PTGER4: variants seen among roughly 807,000 people sequenced by gnomAD.
The protein encoded by PTGER4 is prostaglandin E receptor 4.
Under a neutral mutation model 33.2 loss-of-function variants are expected in PTGER4, and 11 were observed. That is an observed-to-expected ratio of 0.33 (90% CI 0.21 to 0.55). The LOEUF (loss-of-function observed/expected upper bound fraction) is 0.55. Ranked by LOEUF, PTGER4 falls within the 20% of genes least tolerant of loss-of-function variation. The pLI is 0.92. For missense variants in PTGER4, 481 were observed against 650.2 expected (o/e 0.74, Z 2.83); for synonymous variants, 275 against 281.5 (o/e 0.98, Z 0.23).
chr5:40,686,982 G>A (rs1004566528), intron 2 of PTGER4, among the ~76,000 whole-genome samples: 4 of 152,176 alleles, frequency 2.6e-5, no homozygotes, highest in Non-Finnish European at 5.9e-5. Context: ...ACTAGAAAAA[G>A]ACTTAAAATT....
the PTGER4 span, among the ~76,000 whole-genome samples, chr5:40,701,994 T>A: frequency 6.6e-6 from 1 of 152,286 alleles, no homozygotes; most frequent in Non-Finnish European, 1.5e-5. Context: ...GGGACTTCAT[T>A]TCCACCAGAT....
At chr5:40,707,227 C>T in the PTGER4 span, among the ~76,000 whole-genome samples, 21 of 151,986 alleles carry the variant, frequency 1.4e-4, no homozygotes, top group South Asian at 2.1e-4. Context: ...TAAAAGACAC[C>T]GGACTGGCAA....
chr5:40,744,419 T>C, the PTGER4 span, among the ~76,000 whole-genome samples: 1 of 151,346 alleles, frequency 6.6e-6, no homozygotes, highest in Admixed American at 6.6e-5. Flanking sequence ...AGCTAATATA[T>C]TGGTTCCTCA....
At chr5:40,732,333 T>C in the PTGER4 span, among the ~76,000 whole-genome samples, 1 of 152,198 alleles carries the variant, frequency 6.6e-6, no homozygotes, top group African/African-American at 2.4e-5. Flanking sequence ...TTGGCATTAC[T>C]TGTTCTCACT....
chr5:40,697,324 G>A (rs1351085403), downstream of PTGER4, among the ~76,000 whole-genome samples: 1 of 151,666 alleles, frequency 6.6e-6, no homozygotes, highest in East Asian at 1.9e-4. Context: ...AGTGGCTCAC[G>A]CCTGTAATCC....
chr5:40,692,195 C>G lies in PTGER4; in HGVS notation c.1284C>G (p.Thr428=), dbSNP rs760432907. The change falls in exon 3 of 3, where the codon ACC becomes ACG. Residue 428 remains threonine (T), a synonymous_variant. Coordinates refer to ENST00000302472, the MANE Select transcript of PTGER4 (RefSeq NM_000958.3). The part of the protein sequence containing the change: ...VPGMGLAQED[T]TSLRTLRISE... ...GCATGGGCCTGGCCCAGGAAGACACCACCTCACTGAGGACTTTGCGAATAT... is the reference window on the plus strand; with the variant it reads ...GCATGGGCCTGGCCCAGGAAGACACGACCTCACTGAGGACTTTGCGAATAT... 1.9e-6 allele frequency: 3 copies of G among 1,614,088 alleles called. No individual in the cohort carries two copies. The highest frequency in any genetic ancestry group is 2.5e-6 in the Non-Finnish European group (3 of 1,180,036).
chr5:40,697,153 A>T (rs1401878897), downstream of PTGER4, among the ~76,000 whole-genome samples: 35 of 144,770 alleles, frequency 2.4e-4, no homozygotes, highest in African/African-American at 9.1e-4. Context: ...AAAGAAAGAG[A>T]AAGAAAGAAA....
At chr5:40,699,023 T>G in the PTGER4 span, among the ~76,000 whole-genome samples, 1 of 152,166 alleles carries the variant, frequency 6.6e-6, no homozygotes, top group Non-Finnish European at 1.5e-5. Flanking sequence ...CATGATGTAT[T>G]CTTGCCGAAA....
At chr5:40,714,658 C>T in the PTGER4 span, 1 of 152,284 alleles carries the variant, frequency 6.6e-6, no homozygotes, top group African/African-American at 2.4e-5. Context: ...ACCTCTCTAA[C>T]CAGAGCTAAT....
chr5:40,695,715 A>G (rs1359863439), downstream of PTGER4, among the ~76,000 whole-genome samples: 1 of 152,148 alleles, frequency 6.6e-6, no homozygotes, highest in Non-Finnish European at 1.5e-5. Flanking sequence ...CGTCGGAAAA[A>G]AGAAAAAAAT....
Position 40,693,393 on chromosome 5 carries a change from A to G in PTGER4, c.*1015A>G. On this transcript the variant is annotated 3_prime_UTR_variant, in exon 3 of 3. Coordinates refer to ENST00000302472, the MANE Select transcript of PTGER4 (RefSeq NM_000958.3). The stretch of plus-strand genomic sequence containing the variant: ...TTACTTTCCTAAGGAATTACCAAGA[A>G]TATCCTTTAAAATTTAAAAGGATGG... 4 of 984,718 alleles carry G rather than the reference A, an allele frequency of 4.1e-6. No homozygotes were observed. Among genetic ancestry groups the G allele is most frequent in the Non-Finnish European group, 4.8e-6 (4 of 828,802 alleles). The allele number at this position is 984,718 out of a possible 1,614,324, so 61.0% of individuals were successfully genotyped here.
chr5:40,712,913 G>C, the PTGER4 span, among the ~76,000 whole-genome samples: 1 of 152,092 alleles, frequency 6.6e-6, no homozygotes, highest in Non-Finnish European at 1.5e-5. Flanking sequence ...TTCTTCTTCC[G>C]AAGTAACCAT....
the PTGER4 span, among the ~76,000 whole-genome samples, chr5:40,710,061 C>T: frequency 4.2e-3 from 635 of 152,220 alleles, 3 homozygotes; most frequent in African/African-American, 0.015. Flanking sequence ...GCAACAAAAG[C>T]CAAAATTGAC....
rs2111818105 is a variant in PTGER4 at position 40,693,324 on chromosome 5, A to T, written c.*946A>T. 7.1e-6 allele frequency: 7 copies of T among 980,264 alleles called. No homozygotes were observed. Among genetic ancestry groups the T allele is most frequent in the Non-Finnish European group, 8.5e-6 (7 of 824,996 alleles). 60.7% of individuals were successfully genotyped at this position (980,264 alleles called of 1,614,324 possible). A position where few individuals can be genotyped will look rare whatever the true frequency, so the allele number is the denominator to read the frequency against. On this transcript the variant is annotated 3_prime_UTR_variant, in exon 3 of 3. Transcript: ENST00000302472. ...TGAAGTGTATAATATAAAAAATTTT[A>T]AAAATCTAAGCAGCTTATTGTTTCT...
chr5:40,705,626 C>G, the PTGER4 span, among the ~76,000 whole-genome samples: 15 of 152,050 alleles, frequency 9.9e-5, no homozygotes, highest in Non-Finnish European at 1.9e-4. Flanking sequence ...AACAAATTTA[C>G]AAGAGAAAAA....
At chr5:40,728,559 G>A in the PTGER4 span, 2 of 1,329,870 alleles carry the variant, frequency 1.5e-6, no homozygotes, top group African/African-American at 3.0e-5. Flanking sequence ...CATTTTTTAA[G>A]ATATATTTTT....
the PTGER4 span, among the ~76,000 whole-genome samples, chr5:40,720,371 T>C: frequency 1.3e-5 from 2 of 152,232 alleles, no homozygotes; most frequent in Non-Finnish European, 2.9e-5. Context: ...GGTTTATTTC[T>C]GTACTTTCAG....
chr5:40,727,390 C>T, the PTGER4 span, among the ~76,000 whole-genome samples: 2 of 152,120 alleles, frequency 1.3e-5, no homozygotes, highest in African/African-American at 4.8e-5. Flanking sequence ...GTGTATATAG[C>T]CCTGCCAAAA....
At chr5:40,735,415 T>C in the PTGER4 span, among the ~76,000 whole-genome samples, 1 of 151,954 alleles carries the variant, frequency 6.6e-6, no homozygotes, top group Non-Finnish European at 1.5e-5. Context: ...ACACTGAAAA[T>C]GTACAGTTGG....
Sources: allele counts gnomAD v4.1 joint callset (sites outside exome capture counted in the v4.1 genomes callset), GRCh38; gene constraint gnomAD v4.1.1; transcripts MANE v1.5; gene names NCBI Gene and HGNC (gene_info 2026-07-23, HGNC 2026-07-21).